The following CD163L1 variants were observed in gnomAD, a reference collection of about 807,000 sequenced individuals.
CD163L1 encodes scavenger receptor cysteine-rich type 1 protein M160.
CD163L1 carries 124 observed loss-of-function variants against 165.4 expected under a neutral mutation model. The observed-to-expected ratio is 0.75, with a 90% CI of 0.65 to 0.87. CD163L1 has a LOEUF of 0.87. Among genes scored for constraint, CD163L1 ranks in the 40% least tolerant of loss-of-function variants. The pLI is 0.00. For missense variants in CD163L1, 1,525 were observed against 1,799.9 expected, an observed-to-expected ratio of 0.85 and a Z score of 2.76; for synonymous variants, 585 against 662.2, an observed-to-expected ratio of 0.88 and a Z score of 1.79.
intron 4 of CD163L1, among the ~76,000 whole-genome samples, chr12:7,421,187 GTATATATGTATA>G (rs1948371773): frequency 7.6e-6 from 1 of 131,126 alleles, no homozygotes; most frequent in African/African-American, 2.8e-5. Context: ...ATATATATGT[GTATATATGTATA>G]TATATGGGTA....
chr12:7,377,653 T>C (rs1947297602), intron 9 of CD163L1, among the ~76,000 whole-genome samples: 3 of 152,226 alleles, frequency 2.0e-5, no homozygotes, highest in Admixed American at 2.0e-4. Context: ...GTAGCTAAGC[T>C]TAGTGGAAAT....
intron 4 of CD163L1, among the ~76,000 whole-genome samples, chr12:7,421,236 T>C (rs1948374470): frequency 7.5e-6 from 1 of 133,300 alleles, no homozygotes; most frequent in Non-Finnish European, 1.6e-5. Flanking sequence ...TATGTATATA[T>C]ACATTTGGAA....
chr12:7,411,360 T>G (rs908645071), intron 4 of CD163L1, among the ~76,000 whole-genome samples: 1 of 152,160 alleles, frequency 6.6e-6, no homozygotes, highest in South Asian at 2.1e-4. Flanking sequence ...ATGGTTTGGA[T>G]GTTTTGTCCC....
intron 19 of CD163L1, among the ~76,000 whole-genome samples, chr12:7,355,561 T>C (rs1245154914): frequency 6.6e-6 from 1 of 152,138 alleles, no homozygotes; most frequent in East Asian, 1.9e-4. Flanking sequence ...AGTAGGTTTT[T>C]TTGTATCATA....
At chr12:7,443,839 T>C (rs983154766) in intron 1 of CD163L1, among the ~76,000 whole-genome samples, 1 of 152,224 alleles carries the variant, frequency 6.6e-6, no homozygotes, top group Non-Finnish European at 1.5e-5. Flanking sequence ...CATATCCTTG[T>C]GTGACTTCTA....
intron 6 of CD163L1, among the ~76,000 whole-genome samples, chr12:7,402,589 A>G (rs1220335257): frequency 1.3e-5 from 2 of 151,686 alleles, no homozygotes; most frequent in African/African-American, 4.8e-5. Context: ...TTTTCCCTTC[A>G]TAAAGTGCCA....
chr12:7,401,762 A>G (rs1947919712), intron 6 of CD163L1, among the ~76,000 whole-genome samples: 1 of 152,108 alleles, frequency 6.6e-6, no homozygotes. Context: ...AAACAACAAA[A>G]AAATCACAAA....
At chr12:7,442,389 G>T (rs1443925823) in intron 1 of CD163L1, among the ~76,000 whole-genome samples, 3 of 152,164 alleles carry the variant, frequency 2.0e-5, no homozygotes, top group Non-Finnish European at 4.4e-5. Context: ...AACCTGCTTT[G>T]GTGGACATCT....
chr12:7,367,178 G>A (rs764647275), intron 18 of CD163L1, 58 bp downstream of exon 18: 69 of 995,030 alleles, frequency 6.9e-5, no homozygotes, highest in African/African-American at 1.6e-4. Context: ...AAATATCAGC[G>A]GTATTTCCTC....
chr12:7,396,489 T>C (rs1287270212), intron 7 of CD163L1, 74 bp from the exon 8 acceptor site: 9 of 1,387,326 alleles, frequency 6.5e-6, no homozygotes, highest in East Asian at 5.0e-5. Flanking sequence ...GGCTGGACTA[T>C]GATACCCAGT....
intron 4 of CD163L1, among the ~76,000 whole-genome samples, chr12:7,412,903 T>C (rs748190931): frequency 6.6e-6 from 1 of 151,950 alleles, no homozygotes; most frequent in Admixed American, 6.6e-5. Context: ...AAGATCAGCC[T>C]GGCCAAGATG....
chr12:7,324,141 G>C, the CD163L1 span: 6 of 1,092,998 alleles, frequency 5.5e-6, no homozygotes, highest in Non-Finnish European at 7.7e-6. Flanking sequence ...AGGCAACAGA[G>C]AGAGACTCTG....
At chr12:7,436,767 G>T (rs1342411310) in intron 2 of CD163L1, among the ~76,000 whole-genome samples, 3 of 151,870 alleles carry the variant, frequency 2.0e-5, no homozygotes, top group Non-Finnish European at 4.4e-5. Context: ...GAAAAATATA[G>T]AAAATAATGA....
At chr12:7,358,953 A>G (rs773330935) in intron 18 of CD163L1, among the ~76,000 whole-genome samples, 5 of 152,142 alleles carry the variant, frequency 3.3e-5, no homozygotes. Flanking sequence ...GAAACGAAGC[A>G]TGTCTTTTAA....
At chr12:7,351,348 C>T (rs1370301261), downstream of CD163L1, among the ~76,000 whole-genome samples, 1 of 152,108 alleles carries the variant, frequency 6.6e-6, no homozygotes, top group African/African-American at 2.4e-5. Flanking sequence ...ATTTATTTCT[C>T]ACAGTTCTAG....
At position 7,403,799 on chromosome 12, in the gene CD163L1, C is replaced by T; in HGVS notation, c.1144G>A (p.Val382Ile). Residue 382 changes from valine to isoleucine, a missense_variant, in exon 6 of 20, where the codon GTA (valine) becomes ATA (isoleucine). Transcript: ENST00000313599. ...ADGSNNCSGR[V>I]EVRIHEQWWT... ...CACTGTTCATGAATTCTCACCTCTA[C>T]TCTCCCTGAACAATTGTTACTTCCA... The T allele has an allele frequency of 6.2e-7, 1 of 1,613,786 alleles. No individual in the cohort carries two copies. Among genetic ancestry groups the T allele is most frequent in the Non-Finnish European group, 8.5e-7 (1 of 1,179,914 alleles).
chr12:7,350,000 G>T (rs1160062603), downstream of CD163L1, among the ~76,000 whole-genome samples: 1 of 152,044 alleles, frequency 6.6e-6, no homozygotes, highest in East Asian at 1.9e-4. Context: ...AAAAATGCAG[G>T]ACCCGGGAAT....
At chr12:7,395,395 G>A (rs1335108085) in intron 8 of CD163L1, among the ~76,000 whole-genome samples, 1 of 152,180 alleles carries the variant, frequency 6.6e-6, no homozygotes, top group African/African-American at 2.4e-5. Context: ...AGTGAACAAT[G>A]AGAACACTTG....
chr12:7,407,879 C>T (rs1025565580), intron 4 of CD163L1, among the ~76,000 whole-genome samples: 45 of 151,888 alleles, frequency 3.0e-4, no homozygotes, highest in African/African-American at 1.1e-3. Flanking sequence ...TTCCCAGACT[C>T]CCATGGATAT....
Sources: gnomAD v4.1 joint callset for allele counts (sites outside exome capture counted in the v4.1 genomes callset) on GRCh38, gnomAD v4.1.1 for gene constraint, MANE v1.5 for transcripts, NCBI Gene and HGNC (gene_info 2026-07-23, HGNC 2026-07-21) for gene names.